The following TRPM3 variants were observed in gnomAD, a reference collection of about 807,000 sequenced individuals.
The protein encoded by TRPM3 is long transient receptor potential channel 3.
In TRPM3, 77 loss-of-function variants were observed where a neutral mutation model predicts 181.2. That is an observed-to-expected ratio of 0.42 (90% CI 0.35 to 0.51). The LOEUF is 0.51. Ranked by LOEUF, TRPM3 falls within the 20% of genes least tolerant of loss-of-function variation. The probability of loss-of-function intolerance (pLI) is 0.01; values close to 1 mark genes in which losing one functional copy is unlikely to be tolerated. For missense variants in TRPM3, 1,759 were observed against 2,196.7 expected (o/e 0.80, Z 3.98); for synonymous variants, 745 against 796.4 (o/e 0.94, Z 1.09).
intron 1 of TRPM3, among the ~76,000 whole-genome samples, chr9:71,318,255 T>C (rs1411228608): frequency 6.6e-6 from 1 of 152,168 alleles, no homozygotes; most frequent in Admixed American, 6.5e-5. Flanking sequence ...CATTGTGTAA[T>C]GGAGGCTTAA....
At chr9:71,347,602 C>T (rs1182404567) in intron 1 of TRPM3, among the ~76,000 whole-genome samples, 1 of 152,088 alleles carries the variant, frequency 6.6e-6, no homozygotes, top group East Asian at 1.9e-4. Context: ...AATTCATCAT[C>T]TGTAATTTAA....
chr9:71,296,497 T>C (rs1258829076), intron 1 of TRPM3, among the ~76,000 whole-genome samples: 1 of 152,130 alleles, frequency 6.6e-6, no homozygotes, highest in Non-Finnish European at 1.5e-5. Flanking sequence ...TAAATGAACA[T>C]AAATGCAAAA....
At chr9:71,427,763 G>A (rs1463561928) in intron 1 of TRPM3, among the ~76,000 whole-genome samples, 8 of 152,080 alleles carry the variant, frequency 5.3e-5, no homozygotes, top group Admixed American at 3.9e-4. Context: ...GTAGAGGGAG[G>A]AGGAGGCAGG....
chr9:71,043,180 T>C (rs2059027783), intron 1 of TRPM3, among the ~76,000 whole-genome samples: 1 of 152,216 alleles, frequency 6.6e-6, no homozygotes, highest in South Asian at 2.1e-4. Context: ...CTGTCTGACA[T>C]ATTCTCTCTC....
At chr9:71,438,346 A>C (rs868493702) in intron 1 of TRPM3, among the ~76,000 whole-genome samples, 3 of 151,954 alleles carry the variant, frequency 2.0e-5, no homozygotes, top group Non-Finnish European at 4.4e-5. Context: ...GTTTTTTTTA[A>C]AATTTGATAA....
intron 1 of TRPM3, among the ~76,000 whole-genome samples, chr9:70,888,713 T>C (rs1469761791): frequency 6.6e-6 from 1 of 152,138 alleles, no homozygotes; most frequent in Non-Finnish European, 1.5e-5. Flanking sequence ...AGGTGCCTAC[T>C]TGACTCCTGG....
chr9:70,549,570 C>A lies in TRPM3; in HGVS notation c.3679G>T (p.Asp1227Tyr). The A allele has an allele frequency of 6.2e-7, 1 of 1,613,710 alleles. No individual in the cohort carries two copies. The highest frequency in any genetic ancestry group is 8.5e-7 in the Non-Finnish European group (1 of 1,179,826). Reference sequence around the variant, plus strand: ...TCTGAAGTCACCCGTATCCTCTCATCATTAGATGAGTTGAACCGATCATCC... The same window carrying A: ...TCTGAAGTCACCCGTATCCTCTCATAATTAGATGAGTTGAACCGATCATCC... ...EKDDRFNSSN[D>Y]ERIRVTSERV... Residue 1227 changes from aspartate (D) to tyrosine (Y), a missense_variant, in exon 25 of 26, where the codon GAT (aspartate) becomes TAT (tyrosine). By Grantham distance (160) the Asp-to-Tyr change is radical. Around this residue, in one of 8 missense-constraint regions of TRPM3, gnomAD observed 96 missense variants for 129.6 expected, o/e 0.74. Coordinates refer to ENST00000677713, the MANE Select transcript of TRPM3 (RefSeq NM_001366145.2).
intron 1 of TRPM3, among the ~76,000 whole-genome samples, chr9:71,271,883 G>GA (rs778024147): frequency 6.6e-4 from 100 of 152,146 alleles, no homozygotes; most frequent in Non-Finnish European, 1.3e-3. Context: ...GATGAGAAGA[G>GA]AAAAAAAGAT....
At chr9:71,263,027 G>A (rs931925132) in intron 1 of TRPM3, among the ~76,000 whole-genome samples, 2 of 152,040 alleles carry the variant, frequency 1.3e-5, no homozygotes, top group African/African-American at 4.8e-5. Context: ...CTTTAATTTT[G>A]TTTTAAAGCA....
chr9:70,666,023 C>T (rs569134356), intron 9 of TRPM3, among the ~76,000 whole-genome samples: 15 of 152,324 alleles, frequency 9.8e-5, no homozygotes, highest in African/African-American at 3.1e-4. Flanking sequence ...ATTCCTCTTT[C>T]CACAGAGGCA....
intron 1 of TRPM3, among the ~76,000 whole-genome samples, chr9:70,999,912 TTC>T (rs1416151526): frequency 6.6e-6 from 1 of 152,182 alleles, no homozygotes; most frequent in Non-Finnish European, 1.5e-5. Context: ...TGTGCTCTTT[TTC>T]TCTGTCTTCA....
intron 16 of TRPM3, 31 bp from the exon 17 acceptor site, chr9:70,619,126 C>T (rs1419660759): frequency 6.3e-7 from 1 of 1,586,534 alleles, no homozygotes; most frequent in African/African-American, 1.3e-5. Flanking sequence ...AAGAGTCCTT[C>T]AGGTCAGCTT....
At chr9:70,784,373 TA>T in intron 6 of TRPM3, 94 bp from the exon 7 acceptor site, 1 of 1,341,986 alleles carries the variant, frequency 7.5e-7, no homozygotes, top group Non-Finnish European at 1.0e-6. Context: ...AAGCACAAAC[TA>T]AAATTACTGA....
intron 1 of TRPM3, among the ~76,000 whole-genome samples, chr9:70,953,720 T>C (rs2097031362): frequency 6.6e-6 from 1 of 152,140 alleles, no homozygotes; most frequent in Non-Finnish European, 1.5e-5. Context: ...CAAGCTCTAA[T>C]GCAGAACACT....
intron 9 of TRPM3, among the ~76,000 whole-genome samples, chr9:70,665,649 C>CTAA (rs2061743483): frequency 6.6e-6 from 1 of 152,082 alleles, no homozygotes; most frequent in Non-Finnish European, 1.5e-5. Flanking sequence ...AAACATGTTA[C>CTAA]TAATATAAAA....
At chr9:71,114,747 G>T (rs902512903) in intron 1 of TRPM3, among the ~76,000 whole-genome samples, 3 of 152,134 alleles carry the variant, frequency 2.0e-5, no homozygotes, top group Non-Finnish European at 4.4e-5. Context: ...GCCCTTGAGT[G>T]ACCACTGCAA....
intron 1 of TRPM3, among the ~76,000 whole-genome samples, chr9:71,242,648 TA>T (rs2081780115): frequency 6.6e-6 from 1 of 152,182 alleles, no homozygotes; most frequent in Non-Finnish European, 1.5e-5. Context: ...CTACTCCCAT[TA>T]CTACCACCAT....
In TRPM3 at chr9:70,625,107, C is replaced by T. The variant is rs2064309058; in HGVS notation, c.1809+84G>A. 6.7e-7 allele frequency: 1 copy of T among 1,489,306 alleles called. No individual in the cohort carries two copies. The highest frequency in any genetic ancestry group is 9.1e-7 in the Non-Finnish European group (1 of 1,098,892). The allele number at this position is 1,489,306 out of a possible 1,614,324, so 92.3% of individuals were successfully genotyped here. A position where few individuals can be genotyped will look rare whatever the true frequency, so the allele number is the denominator to read the frequency against. ...CAGCGCAATTTTCTGATTTTAATTC[C>T]CCTTGGAGACAAAGAAGCCACAACC... On this transcript the variant is annotated intron_variant, in intron 14 of 25. Coordinates refer to ENST00000677713, the MANE Select transcript of TRPM3 (RefSeq NM_001366145.2). This position sits in a 1 kb window ranked among gnomAD's most constrained non-coding sequence, Gnocchi z 4.8.
In TRPM3 at chr9:71,194,205, G is replaced by GAA. The variant is rs2078201853; in HGVS notation, c.183+252447_183+252448insTT. ...CAGAAATTTTCATTAAGTGTTTGAT[G>GAA]GCTCTTTCTAATAGTTTAGGGTTTC... is the stretch of plus-strand genomic sequence containing the variant. On this transcript the variant is annotated intron_variant, in intron 1 of 24. Coordinates refer to the TRPM3 transcript ENST00000357533. 3.3e-5 allele frequency among the ~76,000 whole-genome samples: 5 copies of GAA among 151,812 alleles called. No homozygotes were observed. The South Asian group carries it at 1.0e-3, about 31-fold the overall frequency.
Sources: gnomAD v4.1 joint callset for allele counts (sites outside exome capture counted in the v4.1 genomes callset) on GRCh38, gnomAD v4.1.1 for gene constraint, gnomAD v4.1.1 regional missense constraint, Gnocchi (gnomAD v3.1) non-coding constraint, MANE v1.5 for transcripts, NCBI Gene and HGNC (gene_info 2026-07-23, HGNC 2026-07-21) for gene names.